The following TFEC variants were observed in gnomAD, a reference collection of about 807,000 sequenced individuals.
TFEC encodes class E basic helix-loop-helix protein 34.
Under a neutral mutation model 41.6 loss-of-function variants are expected in TFEC, and 31 were observed. That is an observed-to-expected ratio of 0.74 (90% CI 0.56 to 1.01). The LOEUF (loss-of-function observed/expected upper bound fraction) is 1.01, where lower values mean the gene tolerates loss of function less well. Ranked by LOEUF, TFEC falls within the 50% of genes least tolerant of loss-of-function variation. The pLI, the probability that TFEC is intolerant of heterozygous loss-of-function variation, is 0.00. For synonymous variants in TFEC, 143 were observed against 140.6 expected (o/e 1.02, Z -0.12); for missense variants, 402 against 404.1 (o/e 0.99, Z 0.04).
At chr7:115,975,288 T>A (rs1793330245) in intron 2 of TFEC, among the ~76,000 whole-genome samples, 1 of 152,120 alleles carries the variant, frequency 6.6e-6, no homozygotes, top group Non-Finnish European at 1.5e-5. Flanking sequence ...TTTAGTTAAA[T>A]TTTTAAATGT....
At chr7:116,071,227 A>C (rs1796820324) in intron 3 of TFEC, among the ~76,000 whole-genome samples, 1 of 151,198 alleles carries the variant, frequency 6.6e-6, no homozygotes, top group Non-Finnish European at 1.5e-5. Context: ...AATAATATTA[A>C]AGTTTAGAGA....
At chr7:115,975,620 G>T (rs1182615257) in intron 2 of TFEC, among the ~76,000 whole-genome samples, 1 of 152,126 alleles carries the variant, frequency 6.6e-6, no homozygotes, top group East Asian at 1.9e-4. Context: ...TTCCTCTTAT[G>T]CAGCTCAAAG....
At chr7:116,091,433 T>C (rs576116891) in intron 3 of TFEC, among the ~76,000 whole-genome samples, 3 of 152,342 alleles carry the variant, frequency 2.0e-5, no homozygotes, top group East Asian at 1.9e-4. Context: ...AAGTTTACAA[T>C]TGTGTTTTCC....
intron 1 of TFEC, among the ~76,000 whole-genome samples, chr7:116,015,107 A>G (rs73716898): frequency 0.015 from 2,166 of 149,362 alleles, 54 homozygotes; most frequent in African/African-American, 0.05. Flanking sequence ...TTATATTTAT[A>G]ATATAATTAT....
intron 1 of TFEC, among the ~76,000 whole-genome samples, chr7:116,124,202 C>G (rs538081861): frequency 6.6e-6 from 1 of 151,878 alleles, no homozygotes; most frequent in Admixed American, 6.6e-5. Flanking sequence ...AATATAACCA[C>G]GAAAGTTTTT....
chr7:116,121,676 A>C (rs1175214883), intron 1 of TFEC, among the ~76,000 whole-genome samples: 1 of 152,002 alleles, frequency 6.6e-6, no homozygotes, highest in Non-Finnish European at 1.5e-5. Flanking sequence ...TGTTTTACAG[A>C]CTCACTATTT....
chr7:116,077,056 T>C (rs1796975981), intron 3 of TFEC, among the ~76,000 whole-genome samples: 2 of 152,148 alleles, frequency 1.3e-5, no homozygotes, highest in African/African-American at 4.8e-5. Context: ...AATGAAAGCC[T>C]ACCAGATTAA....
intron 3 of TFEC, among the ~76,000 whole-genome samples, chr7:116,069,539 A>T (rs1326598543): frequency 2.6e-5 from 4 of 151,836 alleles, no homozygotes; most frequent in African/African-American, 4.8e-5. Context: ...ATTAATGAAC[A>T]ATGTAATAGT....
At position 115,940,000 on chromosome 7, in the gene TFEC, G is replaced by A. The variant is rs1032061891; in HGVS notation, c.*551C>T. On this transcript the variant is annotated 3_prime_UTR_variant, in exon 8 of 8. Coordinates refer to ENST00000265440, the MANE Select transcript of TFEC (RefSeq NM_012252.4). Reference sequence around the variant, plus strand: ...GTGGAAAATTCTCACATTTATTGTAGATTTGCCTTTCAACCACAAGTGACA... The same window carrying A: ...GTGGAAAATTCTCACATTTATTGTAAATTTGCCTTTCAACCACAAGTGACA... 1.3e-5 allele frequency: 2 copies of A among 151,896 alleles called. No individual in the cohort carries two copies. The highest frequency in any genetic ancestry group is 2.4e-5 in the African/African-American group (1 of 41,384). The allele number at this position is 151,896 out of a possible 1,614,324, so 9.4% of individuals were successfully genotyped here. A position where few individuals can be genotyped will look rare whatever the true frequency, so the allele number is the denominator to read the frequency against.
chr7:116,090,430 C>T (rs1797299259), intron 3 of TFEC, among the ~76,000 whole-genome samples: 1 of 152,132 alleles, frequency 6.6e-6, no homozygotes. Flanking sequence ...TAAATCTCTG[C>T]TTTTGTTACT....
intron 1 of TFEC, among the ~76,000 whole-genome samples, chr7:116,137,195 A>G (rs1244136529): frequency 6.6e-6 from 1 of 152,048 alleles, no homozygotes; most frequent in African/African-American, 2.4e-5. Context: ...CTTTTCCCCC[A>G]AGGTAAGAGA....
At chr7:116,059,682 T>C (rs1033792293) in intron 3 of TFEC, among the ~76,000 whole-genome samples, 14 of 152,034 alleles carry the variant, frequency 9.2e-5, no homozygotes, top group African/African-American at 3.4e-4. Context: ...TGGTTTAACA[T>C]GTGAATGTTA....
intron 3 of TFEC, among the ~76,000 whole-genome samples, chr7:116,094,238 A>G (rs1035523022): frequency 6.6e-6 from 1 of 152,256 alleles, no homozygotes; most frequent in Non-Finnish European, 1.5e-5. Context: ...TATAAAAGTC[A>G]GAATTGGTTT....
intron 1 of TFEC, among the ~76,000 whole-genome samples, chr7:116,028,542 C>CTT (rs2130881988): frequency 6.6e-6 from 1 of 152,290 alleles, no homozygotes; most frequent in African/African-American, 2.4e-5. Context: ...AGGAACCATG[C>CTT]TTTGCACTAT....
chr7:116,123,748 T>G (rs1342715184), intron 1 of TFEC, among the ~76,000 whole-genome samples: 1 of 152,142 alleles, frequency 6.6e-6, no homozygotes, highest in Non-Finnish European at 1.5e-5. Context: ...ACTTTTCCCC[T>G]ACTACTCCTA....
At chr7:116,151,071 T>C (rs889528230) in intron 1 of TFEC, among the ~76,000 whole-genome samples, 2 of 152,142 alleles carry the variant, frequency 1.3e-5, no homozygotes, top group African/African-American at 4.8e-5. Flanking sequence ...GTGCACTGTT[T>C]AGTGAGTTTT....
At chr7:116,041,297 A>C (rs1796032191) in intron 3 of TFEC, among the ~76,000 whole-genome samples, 1 of 152,152 alleles carries the variant, frequency 6.6e-6, no homozygotes. Context: ...AAAAAAAGAA[A>C]AAAAAAGTCT....
At chr7:116,157,574 A>G (rs1562990413) in intron 1 of TFEC, among the ~76,000 whole-genome samples, 1 of 152,030 alleles carries the variant, frequency 6.6e-6, no homozygotes, top group African/African-American at 2.4e-5. Flanking sequence ...AGAAAAATGG[A>G]AATCAGGATT....
In TFEC at chr7:115,989,214, T is replaced by A. The variant is rs1286098754; in HGVS notation, c.-72-4701A>T. Among the ~76,000 whole-genome samples the A allele has an allele frequency of 3.3e-5, 5 of 152,324 alleles. No homozygotes were observed. The South Asian group carries it at 1.0e-3, about 32-fold the overall frequency. On this transcript the variant is annotated intron_variant, in intron 1 of 7. Coordinates refer to ENST00000265440, the MANE Select transcript of TFEC (RefSeq NM_012252.4). ...ATAAATTAAGGTAAAATAAAATTGC[T>A]TATTTTCTTATTCTTCATTGATCTA... is the stretch of plus-strand genomic sequence containing the variant.
Sources: gnomAD v4.1 joint callset for allele counts (sites outside exome capture counted in the v4.1 genomes callset) on GRCh38, gnomAD v4.1.1 for gene constraint, MANE v1.5 for transcripts, NCBI Gene and HGNC (gene_info 2026-07-23, HGNC 2026-07-21) for gene names.